Variants in RALGAPA1 observed in about 807,000 individuals in gnomAD.
RALGAPA1 encodes Ral GTPase activating protein catalytic subunit alpha 1, also known as ral GTPase-activating protein subunit alpha-1.
A neutral mutation model predicts 269.6 loss-of-function variants in RALGAPA1; 52 were observed. The observed-to-expected ratio is 0.19, with a 90% CI of 0.15 to 0.24. The LOEUF is 0.24. Ranked by LOEUF, RALGAPA1 falls within the 10% of genes least tolerant of loss-of-function variation. The pLI, the probability that RALGAPA1 is intolerant of heterozygous loss-of-function variation, is 1.00. For synonymous variants in RALGAPA1, 817 were observed against 1,008.3 expected, an observed-to-expected ratio of 0.81 and a Z score of 3.60; for missense variants, 1,917 against 3,013.9, an observed-to-expected ratio of 0.64 and a Z score of 8.52.
Position 35,713,893 on chromosome 14 carries a change from C to T in RALGAPA1, c.2266+7795G>A, listed in dbSNP as rs1298785148. Among the ~76,000 whole-genome samples, 8 of 152,028 alleles carry T rather than the reference C, an allele frequency of 5.3e-5. 1 individual carries two copies. The South Asian group carries it at 8.3e-4, about 16-fold the overall frequency. On this transcript the variant is annotated intron_variant, in intron 16 of 41. Coordinates refer to ENST00000680220, the MANE Select transcript of RALGAPA1 (RefSeq NM_001346249.2). Reference sequence around the variant, plus strand: ...GGTGGACTACTTGAGGCCAGGAGTTCGAGACCAGCCTGGCCAACGTGGTGA... The same window carrying T: ...GGTGGACTACTTGAGGCCAGGAGTTTGAGACCAGCCTGGCCAACGTGGTGA...
intron 1 of RALGAPA1, among the ~76,000 whole-genome samples, chr14:35,776,945 A>G (rs1595520402): frequency 6.6e-6 from 1 of 152,128 alleles, no homozygotes; most frequent in African/African-American, 2.4e-5. Context: ...TTCTCTCATA[A>G]TCTCTGAGAT....
intron 12 of RALGAPA1, among the ~76,000 whole-genome samples, chr14:35,734,238 C>T (rs1445539985): frequency 6.6e-6 from 1 of 152,048 alleles, no homozygotes; most frequent in African/African-American, 2.4e-5. Context: ...AAAGGACCCA[C>T]ATAGCCAAAG....
intron 37 of RALGAPA1, among the ~76,000 whole-genome samples, chr14:35,576,225 G>T (rs565812426): frequency 6.6e-6 from 1 of 152,302 alleles, no homozygotes; most frequent in East Asian, 1.9e-4. Flanking sequence ...AACCCACAGT[G>T]GGGCTGTTTC....
intron 27 of RALGAPA1, among the ~76,000 whole-genome samples, chr14:35,660,185 G>C (rs1296653275): frequency 6.6e-6 from 1 of 151,818 alleles, no homozygotes; most frequent in Non-Finnish European, 1.5e-5. Flanking sequence ...CAATTAGGCA[G>C]AAAAAAGAAA....
chr14:35,802,663 G>GT (rs200361815), intron 1 of RALGAPA1, among the ~76,000 whole-genome samples: 6,608 of 134,398 alleles, frequency 0.049, 261 homozygotes, highest in East Asian at 0.25. Context: ...GTGGTGGTGG[G>GT]TTTTTTTTTT....
chr14:35,791,003 G>A (rs1003013074), intron 1 of RALGAPA1, among the ~76,000 whole-genome samples: 3 of 152,094 alleles, frequency 2.0e-5, no homozygotes, highest in Admixed American at 6.6e-5. Context: ...GATAAACCAG[G>A]TACTGAAGTC....
At chr14:35,763,452 T>A (rs1052743702) in intron 4 of RALGAPA1, among the ~76,000 whole-genome samples, 1 of 152,120 alleles carries the variant, frequency 6.6e-6, no homozygotes, top group African/African-American at 2.4e-5. Flanking sequence ...AAAATATTTT[T>A]ATATTATTAC....
chr14:35,798,210 C>T (rs1216699527), intron 1 of RALGAPA1, among the ~76,000 whole-genome samples: 1 of 150,320 alleles, frequency 6.7e-6, no homozygotes, highest in Non-Finnish European at 1.5e-5. Context: ...CTTGGACTGT[C>T]GCCCAGGCTA....
At chr14:35,606,248 G>T (rs191609359) in intron 35 of RALGAPA1, among the ~76,000 whole-genome samples, 1 of 152,270 alleles carries the variant, frequency 6.6e-6, no homozygotes, top group Admixed American at 6.5e-5. Context: ...GTTATTGTGT[G>T]AACATTATAG....
At position 35,688,703 on chromosome 14, in the gene RALGAPA1, G is replaced by A; in HGVS notation, c.3708C>T (p.Thr1236=). 1 of 1,478,330 alleles carries A rather than the reference G, an allele frequency of 6.8e-7. No individual in the cohort carries two copies. 91.6% of individuals were successfully genotyped at this position (1,478,330 alleles called of 1,614,324 possible). The change falls in exon 18 of 42, where the codon ACC becomes ACT. Residue 1236 remains threonine (T), a synonymous_variant. Coordinates refer to ENST00000680220, the MANE Select transcript of RALGAPA1 (RefSeq NM_001346249.2). ...KTVKESTEIP[T]TILQKEGIAS... is the part of the protein sequence containing the mutation. ...CAATTCCTTCTTTTTGTAATATGGTGGTGGGAATCTCTGTGGATTCCTTCA... is the reference window on the plus strand; with the variant it reads ...CAATTCCTTCTTTTTGTAATATGGTAGTGGGAATCTCTGTGGATTCCTTCA...
At chr14:35,660,400 T>G (rs2063461489) in intron 27 of RALGAPA1, among the ~76,000 whole-genome samples, 1 of 151,956 alleles carries the variant, frequency 6.6e-6, no homozygotes, top group Non-Finnish European at 1.5e-5. Flanking sequence ...TAATCCGATT[T>G]AACAATAGCA....
intron 6 of RALGAPA1, among the ~76,000 whole-genome samples, chr14:35,758,730 A>G (rs2073422763): frequency 6.6e-6 from 1 of 152,138 alleles, no homozygotes; most frequent in African/African-American, 2.4e-5. Flanking sequence ...AATCTGGGCA[A>G]CATAGCTTTG....
intron 1 of RALGAPA1, among the ~76,000 whole-genome samples, chr14:35,801,014 C>G (rs2076927668): frequency 6.7e-6 from 1 of 149,974 alleles, no homozygotes; most frequent in African/African-American, 2.5e-5. Context: ...CTGCGTCCCG[C>G]CTCCAAAAAT....
intron 37 of RALGAPA1, among the ~76,000 whole-genome samples, chr14:35,591,738 A>G (rs2058650703): frequency 6.6e-6 from 1 of 152,186 alleles, no homozygotes; most frequent in Non-Finnish European, 1.5e-5. Context: ...AAATCTTTCA[A>G]TTTGTTATAT....
chr14:35,688,719 G>T lies in RALGAPA1; in HGVS notation c.3692C>A (p.Ser1231Tyr). The change falls in exon 18 of 42, where the codon TCC becomes TAC. Residue 1231 changes from serine (S) to tyrosine (Y), a missense_variant. Coordinates refer to ENST00000680220, the MANE Select transcript of RALGAPA1 (RefSeq NM_001346249.2). ...TAATATGGTGGTGGGAATCTCTGTG[G>T]ATTCCTTCACTGTTTTGCTGCTTAC... ...ASVSSKTVKE[S>Y]TEIPTTILQK... 1 of 1,472,868 alleles carries T rather than the reference G, an allele frequency of 6.8e-7. No homozygotes were observed. The highest frequency in any genetic ancestry group is 8.9e-7 in the Non-Finnish European group (1 of 1,118,342). The allele number at this position is 1,472,868 out of a possible 1,614,324, so 91.2% of individuals were successfully genotyped here. A position where few individuals can be genotyped will look rare whatever the true frequency, so the allele number is the denominator to read the frequency against.
chr14:35,635,435 CA>C, intron 32 of RALGAPA1, 28 bp downstream of exon 32: 1 of 1,548,186 alleles, frequency 6.5e-7, no homozygotes, highest in Non-Finnish European at 8.7e-7. Flanking sequence ...TCTTGGTTAC[CA>C]AATAAATAAT....
intron 1 of RALGAPA1, among the ~76,000 whole-genome samples, 156 bp from the exon 2 acceptor site, chr14:35,775,901 G>A (rs993332307): frequency 1.3e-5 from 2 of 151,954 alleles, no homozygotes; most frequent in East Asian, 1.9e-4. Context: ...CTATATCCTC[G>A]TTCTTAAAAC....
chr14:35,650,440 C>G (rs1350321355), intron 31 of RALGAPA1, among the ~76,000 whole-genome samples: 1 of 151,906 alleles, frequency 6.6e-6, no homozygotes, highest in African/African-American at 2.4e-5. Flanking sequence ...GTATATGTCT[C>G]TTTTAAAGAT....
chr14:35,581,435 C>T (rs2057941929), intron 37 of RALGAPA1, among the ~76,000 whole-genome samples: 1 of 152,104 alleles, frequency 6.6e-6, no homozygotes, highest in Non-Finnish European at 1.5e-5. Context: ...TTAAAAGCTG[C>T]TATTGTTTCT....
Sources: gnomAD v4.1 joint callset for allele counts (sites outside exome capture counted in the v4.1 genomes callset) on GRCh38, gnomAD v4.1.1 for gene constraint, MANE v1.5 for transcripts, NCBI Gene and HGNC (gene_info 2026-07-23, HGNC 2026-07-21) for gene names.